The following GAB2 variants were observed in gnomAD, a reference collection of about 807,000 sequenced individuals.
The protein encoded by GAB2 is GRB2 associated binding protein 2.
A neutral mutation model predicts 65.5 loss-of-function variants in GAB2; 26 were observed. The ratio of observed to expected loss-of-function variants is 0.40; its 90% confidence interval spans 0.29 to 0.55. The LOEUF (loss-of-function observed/expected upper bound fraction) is 0.55, where lower values mean the gene tolerates loss of function less well. GAB2 is among the 20% of genes least tolerant of loss of function. The pLI is 0.53. For missense variants in GAB2, 884 were observed against 875.8 expected (o/e 1.01, Z -0.12); for synonymous variants, 321 against 329.6 (o/e 0.97, Z 0.28).
chr11:78,245,154 G>T (rs928248780), intron 3 of GAB2, among the ~76,000 whole-genome samples: 61 of 152,286 alleles, frequency 4.0e-4, no homozygotes, highest in African/African-American at 1.4e-3. Context: ...TTCAGGGCCT[G>T]AGGGAAGGGG....
intron 1 of GAB2, among the ~76,000 whole-genome samples, chr11:78,304,275 C>T (rs79618188): frequency 0.012 from 1,849 of 152,186 alleles, 33 homozygotes; most frequent in African/African-American, 0.042. Context: ...TGTATATTCA[C>T]AAGATTATGC....
At chr11:78,407,679 A>AAGAAAGAAAGAAAGAGATGGC (rs1565188273) in intron 1 of GAB2, among the ~76,000 whole-genome samples, 2 of 150,624 alleles carry the variant, frequency 1.3e-5, no homozygotes, top group South Asian at 2.1e-4. Flanking sequence ...GAAAGAAAGA[A>AAGAAAGAAAGAAAGAGATGGC]AGAAAGAAAG....
chr11:78,303,990 T>C (rs1043893912), intron 1 of GAB2, among the ~76,000 whole-genome samples: 2 of 152,088 alleles, frequency 1.3e-5, no homozygotes, highest in African/African-American at 4.8e-5. Context: ...AGGGCAAAGT[T>C]GGGGGAAGGG....
chr11:78,343,432 G>T (rs1007488467), intron 1 of GAB2, among the ~76,000 whole-genome samples: 1 of 151,162 alleles, frequency 6.6e-6, no homozygotes, highest in African/African-American at 2.4e-5. Flanking sequence ...GGAGACAGAA[G>T]GAGGGAGAGG....
intron 1 of GAB2, among the ~76,000 whole-genome samples, chr11:78,306,120 CT>C (rs1346253967): frequency 6.6e-6 from 1 of 152,178 alleles, no homozygotes; most frequent in African/African-American, 2.4e-5. Context: ...TTGTTAGAAC[CT>C]TCAACTTTAC....
intron 3 of GAB2, among the ~76,000 whole-genome samples, chr11:78,231,317 TGC>T (rs199527066): frequency 2.1e-5 from 3 of 143,712 alleles, no homozygotes; most frequent in Non-Finnish European, 4.5e-5. Flanking sequence ...TCTCCCTTGG[TGC>T]GCGCGCGCGC....
rs764473695 is a variant in GAB2, at chr11:78,348,937, C to T, written c.76-68036G>A. Among the ~76,000 whole-genome samples, 41 of 152,124 alleles carry T rather than the reference C, an allele frequency of 2.7e-4. 1 individual carries two copies. Among genetic ancestry groups the T allele is most frequent in the East Asian group, 1.9e-4 (1 of 5,204 alleles). ...ACTATGCTGAGTGAAATAAGCTGCA[C>T]AAAAAGTGTACATACTGTACTCCTA... On this transcript the variant is annotated intron_variant, in intron 1 of 9. Transcript: ENST00000361507.
chr11:78,244,776 A>G (rs1035760624), intron 3 of GAB2, among the ~76,000 whole-genome samples: 2 of 152,150 alleles, frequency 1.3e-5, no homozygotes, highest in Non-Finnish European at 2.9e-5. Flanking sequence ...ATTTTCCAGA[A>G]GAAAAATAAC....
chr11:78,283,883 T>G (rs1026477569), intron 1 of GAB2, among the ~76,000 whole-genome samples: 1 of 151,914 alleles, frequency 6.6e-6, no homozygotes, highest in Non-Finnish European at 1.5e-5. Context: ...GTTCTGAGAT[T>G]CTTTTTTTTT....
At chr11:78,386,109 C>T (rs1450948632) in intron 1 of GAB2, among the ~76,000 whole-genome samples, 1 of 152,144 alleles carries the variant, frequency 6.6e-6, no homozygotes, top group Non-Finnish European at 1.5e-5. Flanking sequence ...GGTAAGAGTA[C>T]CTGGGCCCTC....
intron 1 of GAB2, among the ~76,000 whole-genome samples, chr11:78,383,581 C>CAAAAAAAAAA (rs534814220): frequency 2.0e-3 from 113 of 55,538 alleles, no homozygotes; most frequent in Middle Eastern, 0.014. Flanking sequence ...CCTGTCTCTC[C>CAAAAAAAAAA]AAAAAAAAAA....
chr11:78,394,477 G>C (rs1055458852), intron 1 of GAB2, among the ~76,000 whole-genome samples: 2 of 152,086 alleles, frequency 1.3e-5, no homozygotes, highest in African/African-American at 4.8e-5. Flanking sequence ...CCCCACGGTG[G>C]GCTCCAAGAT....
intron 3 of GAB2, among the ~76,000 whole-genome samples, chr11:78,231,335 T>TGTGGTGTG (rs1439625680): frequency 1.1e-5 from 1 of 89,668 alleles, no homozygotes; most frequent in African/African-American, 4.0e-5. Flanking sequence ...CGCGCGTGTG[T>TGTGGTGTG]GGTGTGTGTG....
intron 1 of GAB2, among the ~76,000 whole-genome samples, chr11:78,297,505 C>T (rs1292744720): frequency 6.6e-6 from 1 of 151,962 alleles, no homozygotes; most frequent in Non-Finnish European, 1.5e-5. Flanking sequence ...GGACCCAGGA[C>T]ACAGCAGTCC....
chr11:78,361,812 T>A (rs1173753582), intron 1 of GAB2, among the ~76,000 whole-genome samples: 4 of 152,144 alleles, frequency 2.6e-5, no homozygotes, highest in Non-Finnish European at 5.9e-5. Flanking sequence ...TTACATATAA[T>A]CTACCAAAAG....
At chr11:78,244,052 C>T (rs1865220886) in intron 3 of GAB2, among the ~76,000 whole-genome samples, 1 of 151,882 alleles carries the variant, frequency 6.6e-6, no homozygotes, top group South Asian at 2.1e-4. Flanking sequence ...AAGGGCCCAG[C>T]TAAGACCTCA....
chr11:78,330,472 G>A (rs760055909), intron 1 of GAB2, among the ~76,000 whole-genome samples: 2 of 152,192 alleles, frequency 1.3e-5, no homozygotes, highest in Admixed American at 1.3e-4. Flanking sequence ...TGAGCTAGGG[G>A]CTGGAATCAA....
At chr11:78,355,428 C>G (rs1259149700) in intron 1 of GAB2, among the ~76,000 whole-genome samples, 1 of 152,124 alleles carries the variant, frequency 6.6e-6, no homozygotes, top group Non-Finnish European at 1.5e-5. Flanking sequence ...TTGATCTTCA[C>G]CAGTTAACCA....
At chr11:78,372,097 A>G (rs914792654) in intron 1 of GAB2, among the ~76,000 whole-genome samples, 3 of 152,232 alleles carry the variant, frequency 2.0e-5, no homozygotes, top group African/African-American at 4.8e-5. Context: ...GATTACTGCT[A>G]TGAGTAAAAG....
Sources: allele counts gnomAD v4.1 joint callset (sites outside exome capture counted in the v4.1 genomes callset), GRCh38; gene constraint gnomAD v4.1.1; transcripts MANE v1.5; gene names NCBI Gene and HGNC (gene_info 2026-07-23, HGNC 2026-07-21).